The following WDR7 variants were observed in gnomAD, a reference collection of about 807,000 sequenced individuals.
WDR7 encodes WD repeat domain 7.
Under a neutral mutation model 169.4 loss-of-function variants are expected in WDR7, and 46 were observed. The observed-to-expected ratio is 0.27, with a 90% CI of 0.21 to 0.35. The LOEUF (loss-of-function observed/expected upper bound fraction) is 0.35. WDR7 is among the 10% of genes least tolerant of loss of function. WDR7 has a pLI of 1.00. For synonymous variants in WDR7, 612 were observed against 666.8 expected (o/e 0.92, Z 1.27); for missense variants, 1,534 against 1,859.3 (o/e 0.83, Z 3.22).
At chr18:56,827,192 G>A (rs11151981) in intron 20 of WDR7, among the ~76,000 whole-genome samples, 103,557 of 152,114 alleles carry the variant, frequency 0.68, 37,263 homozygotes, top group East Asian at 0.83. Flanking sequence ...CAGACAGACT[G>A]TAAGGACAGC....
intron 12 of WDR7, among the ~76,000 whole-genome samples, chr18:56,714,998 T>C (rs1217191410): frequency 1.3e-5 from 2 of 152,172 alleles, no homozygotes; most frequent in East Asian, 1.9e-4. Context: ...AGAGTAATAA[T>C]GTAGAGTTTT....
intron 20 of WDR7, among the ~76,000 whole-genome samples, chr18:56,839,240 A>T (rs553416570): frequency 1.1e-4 from 17 of 152,164 alleles, no homozygotes; most frequent in Non-Finnish European, 2.5e-4. Flanking sequence ...AATTATTTGT[A>T]TTATGGAAAT....
At chr18:56,779,396 G>C in intron 17 of WDR7, 35 bp from the exon 18 acceptor site, 1 of 1,539,498 alleles carries the variant, frequency 6.5e-7, no homozygotes, top group Non-Finnish European at 8.8e-7. Flanking sequence ...TGCCAAAATG[G>C]TTAAAGAATT....
chr18:56,953,824 T>C (rs957333150), intron 25 of WDR7, among the ~76,000 whole-genome samples: 1 of 152,236 alleles, frequency 6.6e-6, no homozygotes, highest in African/African-American at 2.4e-5. Context: ...GACTCCAAAA[T>C]CTATGCTTAT....
chr18:56,805,329 G>A (rs917884155), intron 19 of WDR7, among the ~76,000 whole-genome samples: 7 of 152,060 alleles, frequency 4.6e-5, no homozygotes, highest in Non-Finnish European at 8.8e-5. Context: ...ACCAAAAAGC[G>A]CACTGATCAC....
chr18:56,662,099 A>G (rs1208639547), intron 1 of WDR7, among the ~76,000 whole-genome samples: 1 of 152,246 alleles, frequency 6.6e-6, no homozygotes, highest in East Asian at 1.9e-4. Flanking sequence ...CCCCATCGGT[A>G]GGTGGGTAGC....
At chr18:56,847,269 G>T (rs1188970136) in intron 20 of WDR7, among the ~76,000 whole-genome samples, 1 of 152,194 alleles carries the variant, frequency 6.6e-6, no homozygotes, top group Non-Finnish European at 1.5e-5. Flanking sequence ...TTGAACTTAA[G>T]AATGGTAATT....
At chr18:56,870,379 T>C (rs2045936858) in intron 20 of WDR7, among the ~76,000 whole-genome samples, 1 of 152,130 alleles carries the variant, frequency 6.6e-6, no homozygotes. Context: ...ATTTACACTG[T>C]GAAAACTCCA....
At chr18:56,941,392 AGTG>A (rs2047033564) in intron 25 of WDR7, among the ~76,000 whole-genome samples, 1 of 152,082 alleles carries the variant, frequency 6.6e-6, no homozygotes, top group Admixed American at 6.6e-5. Flanking sequence ...GTGATGGAAA[AGTG>A]GTGGTGGATT....
chr18:56,766,731 G>T (rs2044074190), intron 16 of WDR7, among the ~76,000 whole-genome samples: 2 of 151,736 alleles, frequency 1.3e-5, no homozygotes, highest in South Asian at 4.2e-4. Flanking sequence ...TGTTATATGT[G>T]TCCCCAGAAT....
intron 21 of WDR7, among the ~76,000 whole-genome samples, chr18:56,901,194 G>A (rs1034085421): frequency 6.6e-6 from 1 of 152,130 alleles, no homozygotes; most frequent in Admixed American, 6.6e-5. Flanking sequence ...GAGGCCAGGA[G>A]TTTAACACCA....
chr18:56,836,152 C>G (rs2045392726), intron 20 of WDR7, among the ~76,000 whole-genome samples: 1 of 152,184 alleles, frequency 6.6e-6, no homozygotes, highest in African/African-American at 2.4e-5. Flanking sequence ...ACCAAACTTA[C>G]ACAGATATTT....
At chr18:56,791,914 G>C (rs574944354) in intron 19 of WDR7, among the ~76,000 whole-genome samples, 1 of 152,250 alleles carries the variant, frequency 6.6e-6, no homozygotes, top group South Asian at 2.1e-4. Context: ...TGTAAGCCTT[G>C]TCTCCTCAAC....
chr18:57,032,132 T>C (rs1466813777), downstream of WDR7: 1 of 152,212 alleles, frequency 6.6e-6, no homozygotes, highest in Non-Finnish European at 1.5e-5. Context: ...TACATGCCAA[T>C]GGAGGAAACT....
At chr18:56,999,944 C>T (rs1434883077) in intron 26 of WDR7, among the ~76,000 whole-genome samples, 1 of 152,162 alleles carries the variant, frequency 6.6e-6, no homozygotes, top group Non-Finnish European at 1.5e-5. Flanking sequence ...ACAAAATTCC[C>T]TCCACTTCAG....
chr18:56,683,880 T>C (rs1367485506), intron 5 of WDR7, among the ~76,000 whole-genome samples: 1 of 152,232 alleles, frequency 6.6e-6, no homozygotes, highest in Non-Finnish European at 1.5e-5. Context: ...ATTTATCGAA[T>C]GCCTACAGTC....
intron 25 of WDR7, among the ~76,000 whole-genome samples, chr18:56,939,980 G>C (rs1217090443): frequency 6.6e-6 from 1 of 151,178 alleles, no homozygotes; most frequent in Non-Finnish European, 1.5e-5. Flanking sequence ...AGCATGAAGG[G>C]GTATTTTTAG....
chr18:56,757,667 T>C (rs2043915915), intron 15 of WDR7, among the ~76,000 whole-genome samples: 1 of 152,138 alleles, frequency 6.6e-6, no homozygotes, highest in Non-Finnish European at 1.5e-5. Flanking sequence ...TGCCCTAATA[T>C]TCAATTCAAA....
intron 12 of WDR7, among the ~76,000 whole-genome samples, chr18:56,717,682 G>A (rs575737388): frequency 1.3e-5 from 2 of 152,222 alleles, no homozygotes; most frequent in South Asian, 4.2e-4. Context: ...CTCCAATATA[G>A]CAATCATTGT....
Sources: allele counts gnomAD v4.1 joint callset (sites outside exome capture counted in the v4.1 genomes callset), GRCh38; gene constraint gnomAD v4.1.1; transcripts MANE v1.5; gene names NCBI Gene and HGNC (gene_info 2026-07-23, HGNC 2026-07-21).